The following PFKP variants were observed in gnomAD, a reference collection of about 807,000 sequenced individuals.
PFKP encodes phosphofructokinase, platelet.
Under a neutral mutation model 94.3 loss-of-function variants are expected in PFKP, and 101 were observed. The observed-to-expected ratio is 1.07, with a 90% confidence interval of 0.91 to 1.26. The LOEUF (loss-of-function observed/expected upper bound fraction) is 1.26, where lower values mean the gene tolerates loss of function less well. Among genes scored for constraint, PFKP ranks in the 50% most tolerant of loss-of-function variants. The pLI is 0.00. For missense variants in PFKP, 1,145 were observed against 1,103.3 expected (o/e 1.04, Z -0.53); for synonymous variants, 573 against 432.6 (o/e 1.32, Z -4.03).
chr10:3,123,102 G>C (rs1474165444), intron 16 of PFKP, among the ~76,000 whole-genome samples: 1 of 152,172 alleles, frequency 6.6e-6, no homozygotes, highest in Non-Finnish European at 1.5e-5. Context: ...TGCGGTGCTG[G>C]TGAGTGGTCC....
chr10:3,130,110 C>G (rs1183947155), intron 17 of PFKP, 127 bp downstream of exon 17: 1 of 806,984 alleles, frequency 1.2e-6, no homozygotes, highest in Non-Finnish European at 1.9e-6. Context: ...CAGAACATGC[C>G]ACGCTTGATA....
At position 3,136,621 on chromosome 10, in the gene PFKP, CTGTTTT is replaced by C. The variant is rs746919331; in HGVS notation, c.*46_*51del. On this transcript the variant is annotated 3_prime_UTR_variant, in exon 22 of 22. Transcript: ENST00000381125. ...TGTGCCTGCAGCCACCGTGGACTGT[CTGTTTT>C]TGTAACACTTAAGTTATTTTATCAG... 19 of 1,600,792 alleles carry C rather than the reference CTGTTTT, an allele frequency of 1.2e-5. No individual in the cohort carries two copies. Among genetic ancestry groups the C allele is most frequent in the South Asian group, 6.7e-5 (6 of 89,922 alleles).
chr10:3,075,545 G>C (rs1288249499), intron 1 of PFKP, among the ~76,000 whole-genome samples: 1 of 147,460 alleles, frequency 6.8e-6, no homozygotes, highest in African/African-American at 2.5e-5. Context: ...TGGGTGGCCT[G>C]TGTTATATAT....
At chr10:3,102,990 G>A (rs1414380101) in intron 4 of PFKP, among the ~76,000 whole-genome samples, 1 of 152,172 alleles carries the variant, frequency 6.6e-6, no homozygotes, top group Admixed American at 6.5e-5. Context: ...CAGTGGTTCC[G>A]ATTCCCTTTA....
Position 3,136,739 on chromosome 10 carries a change from T to C in PFKP, c.*160T>C, listed in dbSNP as rs1588602543. 3 of 637,688 alleles carry C rather than the reference T, an allele frequency of 4.7e-6. No individual in the cohort carries two copies. The highest frequency in any genetic ancestry group is 1.9e-5 in the South Asian group (1 of 52,460). 39.5% of individuals were successfully genotyped at this position (637,688 alleles called of 1,614,324 possible). ...GCTCCAGTGCGTGCTGTCTGTGGAG[T>C]GTGTCTCATGCTTTCAGATGTGCAT... On this transcript the variant is annotated 3_prime_UTR_variant, in exon 22 of 22. Coordinates refer to ENST00000381125, the MANE Select transcript of PFKP (RefSeq NM_002627.5).
intron 6 of PFKP, 67 bp from the exon 7 acceptor site, chr10:3,105,326 G>C (rs2388576): frequency 0.36 from 503,111 of 1,409,510 alleles, 94,807 homozygotes; most frequent in Non-Finnish European, 0.39. Flanking sequence ...CGCTGAGCGG[G>C]GTGCCTGGGC....
intron 2 of PFKP, among the ~76,000 whole-genome samples, chr10:3,092,884 A>G (rs936976507): frequency 6.6e-6 from 1 of 151,352 alleles, no homozygotes; most frequent in East Asian, 1.9e-4. Flanking sequence ...GGTGTGGGGG[A>G]CCTCTCCTAA....
At chr10:3,132,548 G>T in intron 18 of PFKP, 107 bp downstream of exon 18, 1 of 786,576 alleles carries the variant, frequency 1.3e-6, no homozygotes, top group Non-Finnish European at 2.3e-6. Flanking sequence ...TTTGCCGCTA[G>T]AGTGCACTAC....
At chr10:3,119,035 C>T (rs1271937563) in intron 15 of PFKP, among the ~76,000 whole-genome samples, 166 bp downstream of exon 15, 2 of 152,148 alleles carry the variant, frequency 1.3e-5, no homozygotes, top group Admixed American at 6.5e-5. Flanking sequence ...GGTGGTAAGA[C>T]GTGGCCTACG....
At position 3,101,045 on chromosome 10, in the gene PFKP, G is replaced by A. The variant is rs770402133; in HGVS notation, c.265-320G>A. ...GTTCCACGTGCACCTGGTTGAGCTC[G>A]TTGGCCGGTGCTGAGGCGGCTGCTG... On this transcript the variant is annotated intron_variant, in intron 3 of 21. Transcript: ENST00000381125. The A allele has an allele frequency of 8.8e-6, 13 of 1,476,218 alleles. 1 individual carries two copies. The East Asian group carries it at 1.8e-4, about 21-fold the overall frequency. The allele number at this position is 1,476,218 out of a possible 1,614,324, so 91.4% of individuals were successfully genotyped here. A position where few individuals can be genotyped will look rare whatever the true frequency, so the allele number is the denominator to read the frequency against.
chr10:3,124,394 G>A (rs2131670065), intron 16 of PFKP, among the ~76,000 whole-genome samples: 1 of 152,334 alleles, frequency 6.6e-6, no homozygotes, highest in South Asian at 2.1e-4. Context: ...AAAAACCCCG[G>A]TGTACACGGG....
chr10:3,079,657 C>CGG lies in PFKP; in HGVS notation c.113-2728_113-2727dup, dbSNP rs1456588977. 5.0e-3 allele frequency among the ~76,000 whole-genome samples: 39 copies of CGG among 7,756 alleles called. 1 individual carries two copies. The highest frequency in any genetic ancestry group is 0.022 in the East Asian group (11 of 504). The allele number at this position is 7,756 out of a possible 152,430, so 5.1% of individuals were successfully genotyped here. Reference sequence around the variant, plus strand: ...CGGTGGGAACGAGGTCTTCAGAGAGCGGGGTGGGGGGGGGGGGAAGAGGAG... The same window carrying CGG: ...CGGTGGGAACGAGGTCTTCAGAGAGCGGGGGGTGGGGGGGGGGGGAAGAGGAG... On this transcript the variant is annotated intron_variant, in intron 1 of 21. Transcript: ENST00000381125.
intron 1 of PFKP, chr10:3,068,638 A>G (rs1023211135): frequency 1.5e-5 from 15 of 984,344 alleles, no homozygotes; most frequent in African/African-American, 8.7e-5. Context: ...TTTAACATTG[A>G]AGAGCGGAAG....
intron 16 of PFKP, among the ~76,000 whole-genome samples, chr10:3,120,997 A>T (rs1837343540): frequency 6.6e-6 from 1 of 152,204 alleles, no homozygotes; most frequent in East Asian, 1.9e-4. Context: ...GTTCTCATGA[A>T]TATTTTTCAA....
chr10:3,076,328 C>T (rs1372659868), intron 1 of PFKP, among the ~76,000 whole-genome samples: 1 of 152,090 alleles, frequency 6.6e-6, no homozygotes, highest in Non-Finnish European at 1.5e-5. Context: ...CAGGGGAGGG[C>T]CGACACTGTC....
At chr10:3,115,452 TGAAGGTGTGTGTCCCGCCATGGAGG>T (rs1291904976) in intron 13 of PFKP, among the ~76,000 whole-genome samples, 46,001 of 70,816 alleles carry the variant, frequency 0.65, 18,706 homozygotes, top group East Asian at 0.89. Flanking sequence ...GATGCCGGGG[TGAAGGTGTGTGTCCCGCCATGGAGG>T]ACAGGACTGG....
chr10:3,101,548 A>G lies in PFKP; in HGVS notation c.448A>G (p.Arg150Gly), dbSNP rs775292814. The G allele has an allele frequency of 2.2e-5, 34 of 1,538,208 alleles. No homozygotes were observed. Among genetic ancestry groups the G allele is most frequent in the Admixed American group, 1.0e-4 (5 of 50,194 alleles). The change falls in exon 4 of 22, where the codon AGG becomes GGG. Residue 150 changes from arginine to glycine, a missense_variant. Arg to Gly is a moderately radical substitution (Grantham distance 125). This residue lies in a region of PFKP where 1,119 missense variants were observed against 1,062.8 expected (regional missense o/e 1.05). Transcript: ENST00000381125. ...GAGTGGGCTGCTGGAGGAGCTGGCC[A>G]GGAACGGTGAGTGGACACCTGCTCC... ...EWSGLLEELARNGQIDKEAVQ... is the reference protein window; with the variant it reads ...EWSGLLEELAGNGQIDKEAVQ...
chr10:3,088,481 G>A (rs1323361763), intron 2 of PFKP, among the ~76,000 whole-genome samples: 1 of 152,100 alleles, frequency 6.6e-6, no homozygotes, highest in African/African-American at 2.4e-5. Context: ...TAACTGGGCA[G>A]CAAAGCCCCG....
intron 17 of PFKP, among the ~76,000 whole-genome samples, chr10:3,130,457 C>A (rs1488056772): frequency 6.6e-6 from 1 of 152,180 alleles, no homozygotes; most frequent in Non-Finnish European, 1.5e-5. Context: ...CCGCGGTCTG[C>A]CCCTGCTTGG....
Sources: allele counts gnomAD v4.1 joint callset (sites outside exome capture counted in the v4.1 genomes callset), GRCh38; gene constraint gnomAD v4.1.1; regional missense constraint gnomAD v4.1.1; transcripts MANE v1.5; gene names NCBI Gene and HGNC (gene_info 2026-07-23, HGNC 2026-07-21).